The following CHSY3 variants were observed in gnomAD, a reference collection of about 807,000 sequenced individuals.
CHSY3 encodes N-acetylgalactosaminyl-proteoglycan 3-beta-glucuronosyltransferase 3.
In CHSY3, 35 loss-of-function variants were observed where a neutral mutation model predicts 67.2. The ratio of observed to expected loss-of-function variants is 0.52; its 90% CI spans 0.40 to 0.69. The LOEUF (loss-of-function observed/expected upper bound fraction) is 0.69. CHSY3 is among the 30% of genes least tolerant of loss of function. The pLI, the probability that CHSY3 is intolerant of heterozygous loss-of-function variation, is 0.00. For missense variants in CHSY3, 1,069 were observed against 1,138.5 expected (o/e 0.94, Z 0.88); for synonymous variants, 474 against 434.7 (o/e 1.09, Z -1.12).
chr5:129,914,235 C>T (rs545461505), intron 2 of CHSY3, among the ~76,000 whole-genome samples: 212 of 152,194 alleles, frequency 1.4e-3, no homozygotes, highest in African/African-American at 4.9e-3. Context: ...CTCAACCTCC[C>T]GAGTAGCTGG....
intron 2 of CHSY3, among the ~76,000 whole-genome samples, chr5:130,069,071 A>G (rs1007952216): frequency 6.6e-6 from 1 of 152,108 alleles, no homozygotes; most frequent in Non-Finnish European, 1.5e-5. Flanking sequence ...AATTACCTGT[A>G]AATCCCATTA....
At chr5:130,119,085 G>A (rs1225603112) in intron 2 of CHSY3, among the ~76,000 whole-genome samples, 1 of 152,156 alleles carries the variant, frequency 6.6e-6, no homozygotes, top group African/African-American at 2.4e-5. Context: ...TTGAGGAAAT[G>A]TGGTCATTCT....
chr5:129,993,844 G>T (rs1763445459), intron 2 of CHSY3, among the ~76,000 whole-genome samples: 1 of 151,476 alleles, frequency 6.6e-6, no homozygotes, highest in Non-Finnish European at 1.5e-5. Flanking sequence ...TGCAGTGGCT[G>T]GTACTGGTTG....
chr5:130,160,992 C>A (rs1399558136), intron 2 of CHSY3, among the ~76,000 whole-genome samples: 2 of 151,208 alleles, frequency 1.3e-5, no homozygotes, highest in Admixed American at 1.3e-4. Flanking sequence ...GCAAGCTCCA[C>A]CTCCCGGGTT....
chr5:130,166,693 A>T lies in CHSY3; in HGVS notation c.1087-17536A>T, dbSNP rs1769757747. Among the ~76,000 whole-genome samples, 5 of 152,250 alleles carry T rather than the reference A, an allele frequency of 3.3e-5. No homozygotes were observed. The South Asian group carries it at 1.0e-3, about 32-fold the overall frequency. On this transcript the variant is annotated intron_variant, in intron 2 of 2. Transcript: ENST00000305031. ...AATTAGGATATTTTTTCCTAAGAAA[A>T]ATATTATAATAGACATCTTGCCATG...
intron 2 of CHSY3, among the ~76,000 whole-genome samples, chr5:130,134,710 A>G (rs1024694745): frequency 6.6e-6 from 1 of 152,144 alleles, no homozygotes; most frequent in Non-Finnish European, 1.5e-5. Context: ...TTGTGTTTGC[A>G]TCATTTTTCT....
At chr5:130,093,176 A>G (rs533272105) in intron 2 of CHSY3, among the ~76,000 whole-genome samples, 62 of 152,196 alleles carry the variant, frequency 4.1e-4, no homozygotes, top group Non-Finnish European at 1.8e-4. Flanking sequence ...TCTTATGACT[A>G]CTTTTGGAAA....
intron 2 of CHSY3, among the ~76,000 whole-genome samples, chr5:130,073,472 G>T (rs1766153513): frequency 6.6e-6 from 1 of 151,932 alleles, no homozygotes; most frequent in Non-Finnish European, 1.5e-5. Context: ...ATTTTTAGTA[G>T]AGATGGGGTT....
At chr5:130,016,763 A>G (rs1292626516) in intron 2 of CHSY3, among the ~76,000 whole-genome samples, 1 of 152,226 alleles carries the variant, frequency 6.6e-6, no homozygotes, top group Non-Finnish European at 1.5e-5. Flanking sequence ...TCTGAAGTAT[A>G]GAGATCATAT....
chr5:130,024,751 T>C (rs1049306041), intron 2 of CHSY3, among the ~76,000 whole-genome samples: 2 of 152,144 alleles, frequency 1.3e-5, no homozygotes, highest in Non-Finnish European at 2.9e-5. Flanking sequence ...TCATAAATGA[T>C]CTACAATTTG....
At chr5:130,176,894 G>A (rs1724418890) in intron 2 of CHSY3, among the ~76,000 whole-genome samples, 1 of 152,112 alleles carries the variant, frequency 6.6e-6, no homozygotes, top group South Asian at 2.1e-4. Context: ...TAATGTAGGT[G>A]ATGGGTTGAT....
chr5:130,057,527 A>T (rs984458704), intron 2 of CHSY3, among the ~76,000 whole-genome samples: 1 of 152,180 alleles, frequency 6.6e-6, no homozygotes, highest in African/African-American at 2.4e-5. Flanking sequence ...CAATGATCCC[A>T]TAATACTAAT....
At chr5:130,182,882 T>C (rs1770291874) in intron 2 of CHSY3, among the ~76,000 whole-genome samples, 1 of 152,078 alleles carries the variant, frequency 6.6e-6, no homozygotes, top group African/African-American at 2.4e-5. Context: ...TATTTTTTTC[T>C]CCCTTTTTTC....
intron 2 of CHSY3, among the ~76,000 whole-genome samples, chr5:129,908,800 T>C (rs1467127795): frequency 6.6e-6 from 1 of 152,174 alleles, no homozygotes; most frequent in Non-Finnish European, 1.5e-5. Flanking sequence ...TTTAAATGGT[T>C]AAAATCTGAA....
At chr5:130,057,519 A>G (rs1280631411) in intron 2 of CHSY3, among the ~76,000 whole-genome samples, 1 of 152,190 alleles carries the variant, frequency 6.6e-6, no homozygotes, top group African/African-American at 2.4e-5. Context: ...AATCTTATCA[A>G]TGATCCCATA....
At chr5:130,093,489 C>G (rs1766946042) in intron 2 of CHSY3, among the ~76,000 whole-genome samples, 1 of 152,128 alleles carries the variant, frequency 6.6e-6, no homozygotes, top group South Asian at 2.1e-4. Flanking sequence ...AAAATACACA[C>G]AAATACTACT....
At chr5:130,164,218 G>A (rs1482294940) in intron 2 of CHSY3, among the ~76,000 whole-genome samples, 2 of 152,034 alleles carry the variant, frequency 1.3e-5, no homozygotes, top group East Asian at 3.9e-4. Context: ...GATTAATATC[G>A]ATGCCCTATA....
chr5:130,150,577 A>G (rs1220684289), intron 2 of CHSY3, among the ~76,000 whole-genome samples: 1 of 152,170 alleles, frequency 6.6e-6, no homozygotes, highest in Admixed American at 6.5e-5. Flanking sequence ...AATATATACT[A>G]TTGATAAAAA....
At chr5:130,162,556 A>G (rs1769588625) in intron 2 of CHSY3, among the ~76,000 whole-genome samples, 1 of 152,066 alleles carries the variant, frequency 6.6e-6, no homozygotes, top group African/African-American at 2.4e-5. Context: ...TATTTAAGAA[A>G]CGGGGTCTTG....
Sources: allele counts gnomAD v4.1 joint callset (sites outside exome capture counted in the v4.1 genomes callset), GRCh38; gene constraint gnomAD v4.1.1; transcripts MANE v1.5; gene names NCBI Gene and HGNC (gene_info 2026-07-23, HGNC 2026-07-21).